Variants in SLC9C1 observed in about 807,000 individuals in gnomAD.
SLC9C1 encodes sodium/hydrogen exchanger 10.
SLC9C1 carries 97 observed loss-of-function variants against 140.9 expected under a neutral mutation model. The ratio of observed to expected loss-of-function variants is 0.69; its 90% confidence interval spans 0.58 to 0.82. The LOEUF (loss-of-function observed/expected upper bound fraction) is 0.82. SLC9C1 is among the 40% of genes least tolerant of loss of function. The probability of loss-of-function intolerance (pLI) is 0.00; values close to 1 mark genes in which losing one functional copy is unlikely to be tolerated. For missense variants in SLC9C1, 1,340 were observed against 1,389.3 expected, an observed-to-expected ratio of 0.96 and a Z score of 0.56; for synonymous variants, 440 against 442.6, an observed-to-expected ratio of 0.99 and a Z score of 0.07.
chr3:112,191,947 A>C, intron 20 of SLC9C1, among the ~76,000 whole-genome samples: 1 of 152,010 alleles, frequency 6.6e-6, no homozygotes, highest in East Asian at 1.9e-4. Context: ...TATTGGACTC[A>C]ACTCTATTTC....
At chr3:112,250,298 A>T (rs909335406) in intron 10 of SLC9C1, among the ~76,000 whole-genome samples, 1 of 151,528 alleles carries the variant, frequency 6.6e-6, no homozygotes, top group African/African-American at 2.4e-5. Flanking sequence ...ACATTTTCTT[A>T]ATCCAGTCTA....
intron 15 of SLC9C1, among the ~76,000 whole-genome samples, chr3:112,213,018 C>G (rs1468175036): frequency 6.6e-6 from 1 of 152,204 alleles, no homozygotes; most frequent in Non-Finnish European, 1.5e-5. Flanking sequence ...TCAGCAGAAA[C>G]TCTACAAGGC....
intron 10 of SLC9C1, among the ~76,000 whole-genome samples, chr3:112,255,338 A>G (rs934178496): frequency 3.9e-5 from 6 of 152,144 alleles, no homozygotes; most frequent in Non-Finnish European, 8.8e-5. Flanking sequence ...ATCAAACGTA[A>G]AACAATCCTC....
intron 11 of SLC9C1, among the ~76,000 whole-genome samples, chr3:112,241,259 G>A (rs2108220025): frequency 6.6e-6 from 1 of 152,156 alleles, no homozygotes; most frequent in South Asian, 2.1e-4. Flanking sequence ...ATTTCACTTT[G>A]CATGCCTGTA....
chr3:112,252,806 G>C (rs2108263730), intron 10 of SLC9C1, among the ~76,000 whole-genome samples: 1 of 152,222 alleles, frequency 6.6e-6, no homozygotes, highest in Admixed American at 6.5e-5. Flanking sequence ...AGGTCAGACT[G>C]CTTTTTTAAG....
intron 13 of SLC9C1, 118 bp from the exon 14 acceptor site, chr3:112,221,343 A>G (rs1418592238): frequency 7.0e-6 from 6 of 851,390 alleles, no homozygotes; most frequent in South Asian, 5.2e-5. Context: ...GTCTGTTTGT[A>G]AAAAGAATAT....
intron 20 of SLC9C1, among the ~76,000 whole-genome samples, chr3:112,188,417 G>A (rs1008289327): frequency 6.8e-6 from 1 of 147,370 alleles, no homozygotes; most frequent in Non-Finnish European, 1.5e-5. Flanking sequence ...CCTGGTGGGT[G>A]ATGTTCCTCG....
intron 5 of SLC9C1, among the ~76,000 whole-genome samples, chr3:112,276,476 C>A (rs2080218229): frequency 1.3e-5 from 2 of 151,698 alleles, no homozygotes; most frequent in Admixed American, 1.3e-4. Context: ...AACTCAGGAA[C>A]AATGCTGCCA....
chr3:112,252,547 G>A (rs2079492194), intron 10 of SLC9C1, among the ~76,000 whole-genome samples: 1 of 152,148 alleles, frequency 6.6e-6, no homozygotes, highest in South Asian at 2.1e-4. Flanking sequence ...GCCTTTTTAT[G>A]CAGGTTCCTG....
intron 4 of SLC9C1, among the ~76,000 whole-genome samples, chr3:112,278,076 T>A (rs1255583402): frequency 6.6e-6 from 1 of 152,160 alleles, no homozygotes; most frequent in African/African-American, 2.4e-5. Context: ...TTTTATTTCA[T>A]CTTTTTGTCA....
At chr3:112,245,228 T>C (rs1170742674) in intron 10 of SLC9C1, among the ~76,000 whole-genome samples, 1 of 152,230 alleles carries the variant, frequency 6.6e-6, no homozygotes, top group Non-Finnish European at 1.5e-5. Context: ...AGAGTAGTAA[T>C]GTTGAATACT....
rs924227410 is a variant in SLC9C1 at position 112,265,094 on chromosome 3, C to T, written c.879-751G>A. Among the ~76,000 whole-genome samples the T allele has an allele frequency of 5.3e-5, 8 of 151,852 alleles. No homozygotes were observed. In the South Asian group the frequency reaches 1.5e-3, roughly 28 times the overall value. ...AGGCAGATGGCATATTCTGATGGCA[C>T]GAGCTTCAAAATTGGATTCTTTTAA... On this transcript the variant is annotated intron_variant, in intron 8 of 28. Transcript: ENST00000305815.
At chr3:112,185,960 G>T (rs1576296688) in intron 20 of SLC9C1, 1 of 1,562,316 alleles carries the variant, frequency 6.4e-7, no homozygotes, top group Non-Finnish European at 8.6e-7. Flanking sequence ...GGTGGTGGGC[G>T]ACCAGCTCTC....
In SLC9C1 at chr3:112,196,400, A is replaced by C. The variant is rs566959158; in HGVS notation, c.2523+2921T>G. On this transcript the variant is annotated intron_variant, in intron 20 of 28. Coordinates refer to ENST00000305815, the MANE Select transcript of SLC9C1 (RefSeq NM_183061.3). ...TGTTCATCCTACTTGGAATTTGTTGAGATTCTTGGATGTTTACATTCATGT... is the reference window on the plus strand; with the variant it reads ...TGTTCATCCTACTTGGAATTTGTTGCGATTCTTGGATGTTTACATTCATGT... Among the ~76,000 whole-genome samples the C allele has an allele frequency of 7.9e-5, 12 of 152,126 alleles. No homozygotes were observed. In the South Asian group the frequency reaches 2.3e-3, roughly 29 times the overall value.
At chr3:112,231,317 T>A (rs75242433) in intron 13 of SLC9C1, 44 bp downstream of exon 13, 16,915 of 1,606,836 alleles carry the variant, frequency 0.011, 151 homozygotes, top group South Asian at 0.018. Context: ...TTTTTCAACA[T>A]AATTTTTGGC....
Position 112,155,055 on chromosome 3 carries a change from T to TAA in SLC9C1, c.3365-8_3365-7dup, listed in dbSNP as rs11369523. The TAA allele has an allele frequency of 0.12, 161,766 of 1,314,350 alleles. 68 individuals carry two copies. Among genetic ancestry groups the TAA allele is most frequent in the East Asian group, 0.28 (9,591 of 34,286 alleles). The allele number at this position is 1,314,350 out of a possible 1,614,324, so 81.4% of individuals were successfully genotyped here. ...TTCCAATGTTCCAACTGAACCTGAT[T>TAA]AAAAAAAAAAAAAACAGTGTTAATT... On this transcript the variant is annotated splice_polypyrimidine_tract_variant and splice_region_variant and intron_variant, in intron 26 of 28. Transcript: ENST00000305815.
intron 11 of SLC9C1, among the ~76,000 whole-genome samples, chr3:112,242,611 T>C (rs1207172824): frequency 6.6e-6 from 1 of 152,110 alleles, no homozygotes; most frequent in Non-Finnish European, 1.5e-5. Context: ...ATCTGGCATT[T>C]GATAGCACGA....
At chr3:112,190,189 T>A (rs934764414) in intron 20 of SLC9C1, among the ~76,000 whole-genome samples, 3 of 152,128 alleles carry the variant, frequency 2.0e-5, no homozygotes, top group African/African-American at 7.2e-5. Flanking sequence ...ACAGGGAAAA[T>A]TTGACTTCCT....
chr3:112,189,200 G>T (rs977016217), intron 20 of SLC9C1, among the ~76,000 whole-genome samples: 3 of 152,180 alleles, frequency 2.0e-5, no homozygotes, highest in African/African-American at 7.2e-5. Context: ...TCTGATGGTA[G>T]TTTCTTTTGC....
Sources: allele counts gnomAD v4.1 joint callset (sites outside exome capture counted in the v4.1 genomes callset), GRCh38; gene constraint gnomAD v4.1.1; transcripts MANE v1.5; gene names NCBI Gene and HGNC (gene_info 2026-07-23, HGNC 2026-07-21).